MGMT: variants seen among roughly 807,000 people sequenced by gnomAD.
MGMT encodes the protein O-6-methylguanine-DNA methyltransferase.
Under a neutral mutation model 15.9 loss-of-function variants are expected in MGMT, and 14 were observed. That is an observed-to-expected ratio of 0.88 (90% CI 0.58 to 1.37). The LOEUF (loss-of-function observed/expected upper bound fraction) is 1.37. Ranked by LOEUF, MGMT falls within the 40% of genes most tolerant of loss-of-function variation. The probability of loss-of-function intolerance (pLI) is 0.00; values close to 1 mark genes in which losing one functional copy is unlikely to be tolerated. For missense variants in MGMT, 282 were observed against 268.1 expected, an observed-to-expected ratio of 1.05 and a Z score of -0.36; for synonymous variants, 130 against 118.2, an observed-to-expected ratio of 1.10 and a Z score of -0.65.
chr10:129,739,425 C>G (rs745373012), intron 3 of MGMT, among the ~76,000 whole-genome samples: 1 of 152,186 alleles, frequency 6.6e-6, no homozygotes, highest in Non-Finnish European at 1.5e-5. Context: ...CCCAAAATCT[C>G]CTCTTTTTTA....
At chr10:129,754,966 T>G (rs1225406553) in intron 3 of MGMT, among the ~76,000 whole-genome samples, 1 of 152,210 alleles carries the variant, frequency 6.6e-6, no homozygotes, top group African/African-American at 2.4e-5. Flanking sequence ...GTGCCAGGCT[T>G]TGCCTCCAGG....
intron 2 of MGMT, among the ~76,000 whole-genome samples, chr10:129,676,562 G>A (rs1350596071): frequency 2.6e-5 from 4 of 152,222 alleles, no homozygotes; most frequent in Non-Finnish European, 5.9e-5. Context: ...GGCCACACCA[G>A]GCTCTGCACG....
intron 2 of MGMT, among the ~76,000 whole-genome samples, chr10:129,539,441 A>G (rs758038013): frequency 1.3e-5 from 2 of 152,114 alleles, no homozygotes; most frequent in Admixed American, 6.5e-5. Flanking sequence ...GGTTCAGCCT[A>G]CCTTTGCCTG....
intron 3 of MGMT, among the ~76,000 whole-genome samples, chr10:129,746,897 A>G (rs905600641): frequency 1.3e-5 from 2 of 152,170 alleles, no homozygotes; most frequent in Non-Finnish European, 2.9e-5. Flanking sequence ...TTTAATTGGA[A>G]TGATAATAAA....
In MGMT at chr10:129,637,320, CAAGG is replaced by C. The variant is rs149980118; in HGVS notation, c.126-70574_126-70571del. On this transcript the variant is annotated intron_variant, in intron 2 of 4. Coordinates refer to ENST00000651593, the MANE Select transcript of MGMT (RefSeq NM_002412.5). ...CTGACTTTAGGGCCTTCCTCAAAGC[CAAGG>C]CCCTCTTGTGCGATGGGGCTCTTCT... Among the ~76,000 whole-genome samples the C allele has an allele frequency of 3.2e-3, 494 of 152,312 alleles. 2 individuals carry two copies. Among genetic ancestry groups the C allele is most frequent in the Admixed American group, 5.8e-3 (88 of 15,300 alleles).
chr10:129,534,244 A>G (rs1364857646), intron 1 of MGMT, among the ~76,000 whole-genome samples: 2 of 152,082 alleles, frequency 1.3e-5, no homozygotes, highest in African/African-American at 4.8e-5. Context: ...CTCCTTCCAC[A>G]GGGCTCTCTT....
At chr10:129,589,618 A>C (rs1289092542) in intron 2 of MGMT, among the ~76,000 whole-genome samples, 1 of 152,238 alleles carries the variant, frequency 6.6e-6, no homozygotes, top group African/African-American at 2.4e-5. Context: ...GATTTAACTC[A>C]AGTCGGATAT....
intron 1 of MGMT, among the ~76,000 whole-genome samples, chr10:129,468,724 A>C (rs1379964367): frequency 6.6e-6 from 1 of 152,074 alleles, no homozygotes; most frequent in East Asian, 1.9e-4. Context: ...GTTTCTACTA[A>C]AAACACAAAA....
At chr10:129,480,184 C>A (rs984273352) in intron 1 of MGMT, among the ~76,000 whole-genome samples, 1 of 152,116 alleles carries the variant, frequency 6.6e-6, no homozygotes, top group East Asian at 1.9e-4. Context: ...GAGAATCTGG[C>A]CTCACTCAGG....
intron 3 of MGMT, among the ~76,000 whole-genome samples, chr10:129,709,354 C>T (rs1254566989): frequency 6.6e-6 from 1 of 152,210 alleles, no homozygotes; most frequent in African/African-American, 2.4e-5. Context: ...GGACCTTGCT[C>T]ACTGTGCACC....
intron 2 of MGMT, among the ~76,000 whole-genome samples, chr10:129,638,843 A>T (rs1320296335): frequency 6.6e-6 from 1 of 152,208 alleles, no homozygotes; most frequent in Admixed American, 6.5e-5. Context: ...TATCCAAAGT[A>T]TAAGGACTTT....
chr10:129,629,405 C>T (rs1847186421), intron 2 of MGMT, among the ~76,000 whole-genome samples: 1 of 152,180 alleles, frequency 6.6e-6, no homozygotes, highest in Non-Finnish European at 1.5e-5. Flanking sequence ...TAGAATATTT[C>T]ATTGTCCGTG....
At chr10:129,676,452 C>G (rs875431) in intron 2 of MGMT, among the ~76,000 whole-genome samples, 117 of 152,274 alleles carry the variant, frequency 7.7e-4, no homozygotes, top group African/African-American at 2.6e-3. Context: ...GGCCAGTGTT[C>G]TTCTGTGAAG....
chr10:129,691,506 T>G (rs1386475502), intron 2 of MGMT, among the ~76,000 whole-genome samples: 1 of 152,240 alleles, frequency 6.6e-6, no homozygotes. Flanking sequence ...CTGGGGCTCC[T>G]GAGCAGCCTT....
chr10:129,655,098 G>T (rs566793320), intron 2 of MGMT, among the ~76,000 whole-genome samples: 1 of 152,210 alleles, frequency 6.6e-6, no homozygotes, highest in African/African-American at 2.4e-5. Context: ...CCTGGTTTAA[G>T]GACGTTTGTG....
At chr10:129,736,423 C>T (rs984282789) in intron 3 of MGMT, among the ~76,000 whole-genome samples, 1 of 150,070 alleles carries the variant, frequency 6.7e-6, no homozygotes, top group Non-Finnish European at 1.5e-5. Flanking sequence ...GGTAGATCTT[C>T]CTCCATCCTT....
intron 1 of MGMT, among the ~76,000 whole-genome samples, chr10:129,531,924 ATAAT>A (rs933191384): frequency 2.0e-5 from 3 of 152,338 alleles, no homozygotes; most frequent in Non-Finnish European, 4.4e-5. Context: ...ACATACCTAA[ATAAT>A]TAGCCAGTTG....
intron 1 of MGMT, among the ~76,000 whole-genome samples, chr10:129,529,468 C>T (rs1411174114): frequency 2.0e-5 from 3 of 152,140 alleles, no homozygotes; most frequent in Admixed American, 2.0e-4. Flanking sequence ...GAATTTAATG[C>T]TGCCGCTGAC....
intron 2 of MGMT, among the ~76,000 whole-genome samples, chr10:129,576,084 G>A (rs1055157737): frequency 3.5e-4 from 53 of 152,230 alleles, no homozygotes; most frequent in Middle Eastern, 3.4e-3. Flanking sequence ...ATATGGATTC[G>A]CAGCCGAATT....
Sources: gnomAD v4.1 joint callset for allele counts (sites outside exome capture counted in the v4.1 genomes callset) on GRCh38, gnomAD v4.1.1 for gene constraint, MANE v1.5 for transcripts, NCBI Gene and HGNC (gene_info 2026-07-23, HGNC 2026-07-21) for gene names.